The following RGS6 variants were observed in gnomAD, a reference collection of about 807,000 sequenced individuals.
RGS6 encodes regulator of G-protein signaling 6.
A neutral mutation model predicts 78.5 loss-of-function variants in RGS6; 30 were observed. The ratio of observed to expected loss-of-function variants is 0.38; its 90% CI spans 0.29 to 0.52. RGS6 has a LOEUF of 0.52. Ranked by LOEUF, RGS6 falls within the 20% of genes least tolerant of loss-of-function variation. RGS6 has a pLI of 0.85. For synonymous variants in RGS6, 206 were observed against 206.0 expected (o/e 1.00, Z 0.00); for missense variants, 495 against 609.7 (o/e 0.81, Z 1.98).
chr14:72,200,961 TAAAAAAA>T (rs10577203), intron 2 of RGS6, among the ~76,000 whole-genome samples: 51 of 121,630 alleles, frequency 4.2e-4, no homozygotes, highest in Non-Finnish European at 6.4e-4. Flanking sequence ...GTGCTCTGCT[TAAAAAAA>T]AAAAAAAAAA....
intron 3 of RGS6, among the ~76,000 whole-genome samples, chr14:72,425,437 C>G (rs2094394956): frequency 6.6e-6 from 1 of 152,052 alleles, no homozygotes; most frequent in Admixed American, 6.6e-5. Flanking sequence ...CCGCAGCCGG[C>G]CAGAAGGGGA....
At chr14:72,108,181 A>G (rs556414943) in intron 2 of RGS6, among the ~76,000 whole-genome samples, 1 of 152,066 alleles carries the variant, frequency 6.6e-6, no homozygotes, top group Non-Finnish European at 1.5e-5. Flanking sequence ...TCTCTACTTA[A>G]TGTTCATTTT....
chr14:72,598,007 C>A, the RGS6 span, among the ~76,000 whole-genome samples: 1 of 152,208 alleles, frequency 6.6e-6, no homozygotes, highest in Non-Finnish European at 1.5e-5. Flanking sequence ...ATTTCGTGGC[C>A]TTGAGTGGGT....
At chr14:71,971,275 T>G (rs1027654926) in intron 2 of RGS6, among the ~76,000 whole-genome samples, 1 of 152,040 alleles carries the variant, frequency 6.6e-6, no homozygotes, top group African/African-American at 2.4e-5. Context: ...TTCAGTTGGG[T>G]TTGGTTAGTA....
At chr14:72,446,557 A>C (rs1176533449) in intron 3 of RGS6, among the ~76,000 whole-genome samples, 1 of 152,198 alleles carries the variant, frequency 6.6e-6, no homozygotes, top group African/African-American at 2.4e-5. Context: ...GTTTCATGGA[A>C]GACAGTTTTT....
intron 1 of RGS6, among the ~76,000 whole-genome samples, chr14:71,938,764 G>C (rs1246307174): frequency 1.3e-5 from 2 of 152,174 alleles, no homozygotes; most frequent in Non-Finnish European, 2.9e-5. Flanking sequence ...CCCAGTTCAT[G>C]ATAGAAAGTT....
At chr14:72,067,918 C>A (rs2094229555) in intron 2 of RGS6, among the ~76,000 whole-genome samples, 1 of 152,122 alleles carries the variant, frequency 6.6e-6, no homozygotes, top group African/African-American at 2.4e-5. Flanking sequence ...CAGGTGCTAC[C>A]ACGAAGCTGC....
the RGS6 span, among the ~76,000 whole-genome samples, chr14:72,618,141 G>T: frequency 2.0e-4 from 31 of 151,952 alleles, no homozygotes; most frequent in African/African-American, 7.3e-4. Context: ...TCTAAAATGT[G>T]GCCACCCTGG....
chr14:72,562,781 G>GACAGGAACCCCACGACGT lies in RGS6; in HGVS notation c.*314_*315insACAGGAACCCCACGACGT. The GACAGGAACCCCACGACGT allele has an allele frequency of 6.6e-7, 1 of 1,516,968 alleles. No individual in the cohort carries two copies. 94.0% of individuals were successfully genotyped at this position (1,516,968 alleles called of 1,614,324 possible). A position where few individuals can be genotyped will look rare whatever the true frequency, so the allele number is the denominator to read the frequency against. On this transcript the variant is annotated 3_prime_UTR_variant, in exon 18 of 18. Coordinates refer to ENST00000553525, the MANE Select transcript of RGS6 (RefSeq NM_001204424.2). ...GCTCATTCAGGGGAGAACACGTCGT[G>GACAGGAACCCCACGACGT]GGGTTCCTGTCACGACTATCACTTG...
At chr14:71,922,825 C>T in the RGS6 span, among the ~76,000 whole-genome samples, 1 of 151,502 alleles carries the variant, frequency 6.6e-6, no homozygotes, top group African/African-American at 2.4e-5. Context: ...TTGTTTACCA[C>T]AGAAGTAAAT....
chr14:72,315,618 T>C (rs2069930388), intron 2 of RGS6, among the ~76,000 whole-genome samples: 1 of 152,236 alleles, frequency 6.6e-6, no homozygotes. Flanking sequence ...CAGAGTGGAA[T>C]GTTATTGAAC....
intron 12 of RGS6, among the ~76,000 whole-genome samples, chr14:72,484,484 TG>T (rs1443204131): frequency 6.6e-6 from 1 of 152,204 alleles, no homozygotes; most frequent in East Asian, 1.9e-4. Context: ...TAACTCAGGA[TG>T]GACAGCATTT....
intron 2 of RGS6, among the ~76,000 whole-genome samples, chr14:72,181,991 G>A (rs1012861073): frequency 2.6e-5 from 4 of 152,190 alleles, no homozygotes; most frequent in Non-Finnish European, 5.9e-5. Flanking sequence ...TAGATTTGTT[G>A]CTGTCCACTC....
intron 2 of RGS6, among the ~76,000 whole-genome samples, chr14:72,158,712 T>C (rs1353677633): frequency 6.6e-6 from 1 of 152,182 alleles, no homozygotes; most frequent in East Asian, 1.9e-4. Context: ...GGGGTAATAA[T>C]AGAGCCAGTG....
chr14:72,169,357 A>G (rs1322195090), intron 2 of RGS6, among the ~76,000 whole-genome samples: 3 of 152,294 alleles, frequency 2.0e-5, no homozygotes, highest in African/African-American at 4.8e-5. Context: ...AAAATTCACT[A>G]ATCTAATCTC....
chr14:72,599,992 G>A, the RGS6 span, among the ~76,000 whole-genome samples: 1 of 152,096 alleles, frequency 6.6e-6, no homozygotes, highest in Admixed American at 6.5e-5. Flanking sequence ...CTGACGGCAG[G>A]GAGGGAGGGC....
intron 2 of RGS6, among the ~76,000 whole-genome samples, chr14:72,081,934 A>G (rs751220790): frequency 2.8e-4 from 42 of 152,086 alleles, no homozygotes; most frequent in Non-Finnish European, 5.0e-4. Flanking sequence ...CCAAGCAGAG[A>G]GTTAAAAAGA....
At chr14:72,432,047 A>T (rs562389140) in intron 3 of RGS6, among the ~76,000 whole-genome samples, 1 of 152,300 alleles carries the variant, frequency 6.6e-6, no homozygotes, top group Non-Finnish European at 1.5e-5. Context: ...AGGGGCTAAG[A>T]CCACTCCAAC....
At chr14:72,502,532 G>A (rs10131083) in intron 13 of RGS6, among the ~76,000 whole-genome samples, 27,283 of 152,198 alleles carry the variant, frequency 0.18, 2,886 homozygotes, top group African/African-American at 0.3. Context: ...TTGGGAGGCC[G>A]AGGCAAGCGG....
Sources: allele counts gnomAD v4.1 joint callset (sites outside exome capture counted in the v4.1 genomes callset), GRCh38; gene constraint gnomAD v4.1.1; transcripts MANE v1.5; gene names NCBI Gene and HGNC (gene_info 2026-07-23, HGNC 2026-07-21).